The following MAP3K7 variants were observed in gnomAD, a reference collection of about 807,000 sequenced individuals.
The protein encoded by MAP3K7 is TGF-beta activated kinase 1.
A neutral mutation model predicts 84.8 loss-of-function variants in MAP3K7; 21 were observed. That is an observed-to-expected ratio of 0.25 (90% CI 0.18 to 0.36). The LOEUF (loss-of-function observed/expected upper bound fraction) is 0.36. Ranked by LOEUF, MAP3K7 falls within the 10% of genes least tolerant of loss-of-function variation. MAP3K7 has a pLI of 1.00. For missense variants in MAP3K7, 503 were observed against 747.7 expected, an observed-to-expected ratio of 0.67 and a Z score of 3.82; for synonymous variants, 241 against 247.7, an observed-to-expected ratio of 0.97 and a Z score of 0.25.
chr6:90,549,200 T>C lies in MAP3K7; in HGVS notation c.950-1023A>G, dbSNP rs35972315. 6.1e-3 allele frequency among the ~76,000 whole-genome samples: 925 copies of C among 152,090 alleles called. 6 individuals are homozygous for C. The highest frequency in any genetic ancestry group is 0.01 in the Middle Eastern group (3 of 294). ...GAGTAACAGAAGAAAGCAGAGTAGA[T>C]GGGCACAGATGTTGTGGAAGCTGTC... On this transcript the variant is annotated intron_variant, in intron 9 of 16. Transcript: ENST00000369329.
chr6:90,575,359 T>G (rs1777038890), intron 1 of MAP3K7, among the ~76,000 whole-genome samples: 1 of 152,086 alleles, frequency 6.6e-6, no homozygotes, highest in African/African-American at 2.4e-5. Context: ...AGGATAGGGT[T>G]AGGGTAGGGA....
chr6:90,519,076 A>C lies in MAP3K7; in HGVS notation c.1524+182T>G, dbSNP rs551366546. ...GAAAAGATAAGAATATGATTCTGCCAATTTAAAGTTTGATTAACTTAACCA... is the reference window on the plus strand; with the variant it reads ...GAAAAGATAAGAATATGATTCTGCCCATTTAAAGTTTGATTAACTTAACCA... On this transcript the variant is annotated intron_variant, in intron 15 of 16. Coordinates refer to ENST00000369329, the MANE Select transcript of MAP3K7 (RefSeq NM_145331.3). Among the ~76,000 whole-genome samples the C allele has an allele frequency of 2.0e-5, 3 of 152,074 alleles. No homozygotes were observed. The South Asian group carries it at 6.2e-4, about 32-fold the overall frequency.
chr6:90,565,309 C>T (rs1776665146), intron 3 of MAP3K7, among the ~76,000 whole-genome samples: 1 of 151,734 alleles, frequency 6.6e-6, no homozygotes, highest in Non-Finnish European at 1.5e-5. Context: ...AACTGATAGA[C>T]CACTAGCAAG....
intron 13 of MAP3K7, among the ~76,000 whole-genome samples, chr6:90,525,821 T>C (rs1486015706): frequency 6.6e-6 from 1 of 151,616 alleles, no homozygotes; most frequent in African/African-American, 2.4e-5. Flanking sequence ...CCCTCCACAG[T>C]TTCCCAAAGC....
At chr6:90,537,430 A>C (rs1405112848) in intron 12 of MAP3K7, among the ~76,000 whole-genome samples, 1 of 151,962 alleles carries the variant, frequency 6.6e-6, no homozygotes, top group African/African-American at 2.4e-5. Context: ...CCAATCAGCA[A>C]TATAATTTAG....
In MAP3K7 at chr6:90,560,233, A is replaced by G. The variant is rs757448272; in HGVS notation, c.344-19T>C. 1.9e-6 allele frequency: 3 copies of G among 1,613,776 alleles called. No homozygotes were observed. Among genetic ancestry groups the G allele is most frequent in the Non-Finnish European group, 2.5e-6 (3 of 1,179,864 alleles). ...TGCAGCACTGCGAAAGAAAGGCACA[A>G]ACTAAAAAGAACTTTATTGCATATA... is the stretch of plus-strand genomic sequence containing the variant. On this transcript the variant is annotated intron_variant, in intron 4 of 16. Coordinates refer to ENST00000369329, the MANE Select transcript of MAP3K7 (RefSeq NM_145331.3).
chr6:90,536,490 T>TTTTAA, intron 12 of MAP3K7, 89 bp from the exon 13 acceptor site: 1 of 911,378 alleles, frequency 1.1e-6, no homozygotes, highest in African/African-American at 1.8e-5. Context: ...TTGGAATTTG[T>TTTTAA]TGCTCCTTGG....
intron 13 of MAP3K7, among the ~76,000 whole-genome samples, chr6:90,531,614 A>G (rs1382559995): frequency 1.3e-5 from 2 of 152,144 alleles, no homozygotes; most frequent in African/African-American, 4.8e-5. Flanking sequence ...GAAATTTCAG[A>G]ATTTTATTAT....
chr6:90,583,817 A>G (rs1158968874), intron 1 of MAP3K7, among the ~76,000 whole-genome samples: 1 of 152,168 alleles, frequency 6.6e-6, no homozygotes, highest in East Asian at 1.9e-4. Flanking sequence ...CCCCTCTTTT[A>G]TTCCAACATT....
In MAP3K7 at chr6:90,587,052, G is replaced by T; in HGVS notation, c.-169C>A. The T allele has an allele frequency of 1.3e-6, 1 of 760,334 alleles. No homozygotes were observed. Among genetic ancestry groups the T allele is most frequent in the African/African-American group, 1.9e-5 (1 of 53,952 alleles). The allele number at this position is 760,334 out of a possible 1,614,324, so 47.1% of individuals were successfully genotyped here. ...AGCGGCCACAGCCGTGTCCGGCTCT[G>T]GCTCCGCTGCGTTTTCCGCCGACGG... On this transcript the variant is annotated 5_prime_UTR_variant, in exon 1 of 17. Transcript: ENST00000369329.
intron 1 of MAP3K7, among the ~76,000 whole-genome samples, chr6:90,585,733 G>T (rs185617032): frequency 1.1e-4 from 16 of 151,792 alleles, no homozygotes; most frequent in African/African-American, 3.9e-4. Flanking sequence ...AATAAAGAAA[G>T]GATATGGGTT....
At chr6:90,537,551 A>AT (rs1006586065) in intron 12 of MAP3K7, among the ~76,000 whole-genome samples, 2 of 152,042 alleles carry the variant, frequency 1.3e-5, no homozygotes. Flanking sequence ...AAAAACTCAA[A>AT]TTTGTAACTC....
rs553554187 is a variant in MAP3K7 at position 90,513,745 on chromosome 6, G to A, written c.*2756C>T. On this transcript the variant is annotated 3_prime_UTR_variant, in exon 17 of 17. Coordinates refer to ENST00000369329, the MANE Select transcript of MAP3K7 (RefSeq NM_145331.3). ...TACCATTTGAAGACAGGAGTTGAGC[G>A]CTGAAAACCACACACATTTATAGAA... 5 of 152,164 alleles carry A rather than the reference G, an allele frequency of 3.3e-5. No homozygotes were observed. In the East Asian group the frequency reaches 5.8e-4, roughly 18 times the overall value. 9.4% of individuals were successfully genotyped at this position (152,164 alleles called of 1,614,324 possible).
chr6:90,546,763 A>AAATT (rs1471600997), intron 11 of MAP3K7, among the ~76,000 whole-genome samples: 28 of 152,240 alleles, frequency 1.8e-4, no homozygotes, highest in African/African-American at 6.5e-4. Context: ...ACAATTAAAA[A>AAATT]AATTAACCAC....
rs1378922760 is a variant in MAP3K7, at chr6:90,516,734, GT to G, written c.1641-54del. The G allele has an allele frequency of 4.3e-6, 6 of 1,409,722 alleles. No individual in the cohort carries two copies. In the East Asian group the frequency reaches 1.4e-4, roughly 33 times the overall value. 87.3% of individuals were successfully genotyped at this position (1,409,722 alleles called of 1,614,324 possible). ...ACATGATGGAAAAATTCATACCTTA[GT>G]AGCTGATGATGGAAGCTCAATTAAT... On this transcript the variant is annotated intron_variant, in intron 16 of 16. Transcript: ENST00000369329.
chr6:90,523,927 T>C (rs956516633), intron 13 of MAP3K7, 144 bp from the exon 14 acceptor site: 3 of 558,782 alleles, frequency 5.4e-6, no homozygotes, highest in Non-Finnish European at 9.6e-6. Flanking sequence ...CTCTTATATA[T>C]ATGTAAAAAT....
chr6:90,585,739 G>A (rs1409021717), intron 1 of MAP3K7, among the ~76,000 whole-genome samples: 1 of 152,166 alleles, frequency 6.6e-6, no homozygotes, highest in African/African-American at 2.4e-5. Flanking sequence ...GAAAGGATAT[G>A]GGTTTTCTGA....
intron 13 of MAP3K7, among the ~76,000 whole-genome samples, chr6:90,528,467 T>C (rs1157323886): frequency 1.3e-5 from 2 of 152,082 alleles, no homozygotes; most frequent in Non-Finnish European, 2.9e-5. Flanking sequence ...TGGAGAGGGG[T>C]TGGGGCTGGG....
intron 12 of MAP3K7, among the ~76,000 whole-genome samples, chr6:90,541,111 A>G (rs575121632): frequency 4.8e-4 from 73 of 152,154 alleles, no homozygotes; most frequent in Non-Finnish European, 7.8e-4. Context: ...CTAGAACAAA[A>G]AAAATCTAGA....
Sources: gnomAD v4.1 joint callset for allele counts (sites outside exome capture counted in the v4.1 genomes callset) on GRCh38, gnomAD v4.1.1 for gene constraint, MANE v1.5 for transcripts, NCBI Gene and HGNC (gene_info 2026-07-23, HGNC 2026-07-21) for gene names.